NCOR2: variants seen among roughly 807,000 people sequenced by gnomAD.
The protein encoded by NCOR2 is nuclear receptor corepressor 2.
A neutral mutation model predicts 262.9 loss-of-function variants in NCOR2; 81 were observed. The ratio of observed to expected loss-of-function variants is 0.31; its 90% CI spans 0.26 to 0.37. The LOEUF is 0.37. Ranked by LOEUF, NCOR2 falls within the 10% of genes least tolerant of loss-of-function variation. NCOR2 has a pLI of 1.00. For missense variants in NCOR2, 3,385 were observed against 3,621.4 expected (o/e 0.93, Z 1.68); for synonymous variants, 1,659 against 1,559.3 (o/e 1.06, Z -1.51).
At chr12:124,358,587 T>A (rs573189506) in intron 22 of NCOR2, among the ~76,000 whole-genome samples, 3 of 152,300 alleles carry the variant, frequency 2.0e-5, no homozygotes, top group East Asian at 3.9e-4. Flanking sequence ...ACACAGAGAC[T>A]GCTGCCAGAC....
At chr12:124,325,194 C>G (rs539248292) in exon 47 of NCOR2, 1 of 356,678 alleles carries the variant, frequency 2.8e-6, no homozygotes, top group East Asian at 4.2e-5. Context: ...TGAGTAAGGT[C>G]TGCACAGGGC....
chr12:124,442,736 G>A (rs2044888943), intron 7 of NCOR2, among the ~76,000 whole-genome samples: 1 of 152,182 alleles, frequency 6.6e-6, no homozygotes, highest in South Asian at 2.1e-4. Context: ...ACTGATATGT[G>A]TAAAGTCCTA....
chr12:124,399,553 G>T (rs2041882617), intron 15 of NCOR2, among the ~76,000 whole-genome samples: 1 of 152,172 alleles, frequency 6.6e-6, no homozygotes, highest in Admixed American at 6.5e-5. Flanking sequence ...GAAATTTTTA[G>T]AGAGGGAACG....
rs2229840 is a variant in NCOR2, at chr12:124,341,916, C to T, written c.5095G>A (p.Ala1699Thr). ...GCTCGCTGGGCCATGGCGGTGGCCG[C>T]GTTGTGGTGCATCTGCTGCGAGGTG... Residue 1699 changes from alanine (A) to threonine (T), a missense_variant, in exon 34 of 47, where the codon GCG becomes ACG. This residue lies in a region of NCOR2 where 1,615 missense variants were observed against 1,626.9 expected (regional missense o/e 0.99). Transcript: ENST00000405201. The T allele has an allele frequency of 0.16, 258,394 of 1,612,822 alleles. 21,452 individuals carry two copies. The highest frequency in any genetic ancestry group is 0.23 in the Admixed American group (13,848 of 60,010).
chr12:124,501,601 C>T (rs2048741473), intron 1 of NCOR2, among the ~76,000 whole-genome samples: 2 of 152,260 alleles, frequency 1.3e-5, no homozygotes, highest in South Asian at 4.2e-4. Flanking sequence ...GCCTCTATCT[C>T]CACGCAGCCT....
At chr12:124,365,593 G>A (rs980594214) in intron 20 of NCOR2, among the ~76,000 whole-genome samples, 5 of 152,216 alleles carry the variant, frequency 3.3e-5, no homozygotes, top group Admixed American at 1.3e-4. Context: ...CAGCTGAGCG[G>A]GGAGAGCAGA....
intron 3 of NCOR2, among the ~76,000 whole-genome samples, chr12:124,475,907 C>T (rs2047078893): frequency 6.6e-6 from 1 of 152,278 alleles, no homozygotes; most frequent in South Asian, 2.1e-4. Context: ...GCCACACATC[C>T]GTTCACCCCA....
At chr12:124,460,838 T>G (rs1002055106) in intron 5 of NCOR2, among the ~76,000 whole-genome samples, 2 of 152,222 alleles carry the variant, frequency 1.3e-5, no homozygotes, top group Admixed American at 1.3e-4. Context: ...GGCTGATATC[T>G]CCACATCTCC....
At chr12:124,477,906 A>G (rs551537761) in intron 3 of NCOR2, among the ~76,000 whole-genome samples, 15 of 152,232 alleles carry the variant, frequency 9.9e-5, no homozygotes, top group Non-Finnish European at 1.8e-4. Flanking sequence ...TTTATTATGC[A>G]AAACTGAAGA....
rs763666152 is a variant in NCOR2 at position 124,347,865 on chromosome 12, G to A, written c.4032C>T (p.His1344=). 58 of 1,569,240 alleles carry A rather than the reference G, an allele frequency of 3.7e-5. No homozygotes were observed. In the Admixed American group the frequency reaches 1.0e-3, roughly 28 times the overall value. The stretch of plus-strand genomic sequence containing the variant: ...CGCGGATGTGGTGCTGCTCTTTGAG[G>A]TGGTGGGGGCTGTGTCGCTCCGGCG... Residue 1344 remains histidine (H), a synonymous_variant, in exon 30 of 47, where the codon CAC becomes CAT. Transcript: ENST00000405201.
intron 16 of NCOR2, chr12:124,388,788 G>A (rs1273841713): frequency 1.9e-5 from 25 of 1,302,924 alleles, no homozygotes; most frequent in Middle Eastern, 2.1e-4. Context: ...CTGGGCGGCC[G>A]CGGTCGGCTC....
intron 1 of NCOR2, among the ~76,000 whole-genome samples, chr12:124,511,705 T>A (rs2049404552): frequency 1.3e-5 from 2 of 152,022 alleles, no homozygotes; most frequent in Admixed American, 1.3e-4. Context: ...AAGTCCAGAC[T>A]CCCCGAATGG....
chr12:124,394,157 T>G (rs927738398), intron 16 of NCOR2, among the ~76,000 whole-genome samples: 7 of 152,264 alleles, frequency 4.6e-5, no homozygotes, highest in African/African-American at 1.4e-4. Context: ...GACTGCGCCC[T>G]AAGCTAGCGG....
At chr12:124,448,287 G>C in intron 7 of NCOR2, among the ~76,000 whole-genome samples, 1 of 152,206 alleles carries the variant, frequency 6.6e-6, no homozygotes, top group East Asian at 1.9e-4. Context: ...TCCCACCCCA[G>C]ACAGGGGCCC....
intron 17 of NCOR2, among the ~76,000 whole-genome samples, chr12:124,384,829 C>T (rs534676120): frequency 2.0e-5 from 3 of 151,500 alleles, no homozygotes; most frequent in Admixed American, 2.0e-4. Context: ...GAGGAGTAGT[C>T]CTGGGGGAGG....
chr12:124,374,655 G>A (rs1483851712), intron 18 of NCOR2, among the ~76,000 whole-genome samples, 192 bp from the exon 21 acceptor site: 4 of 152,224 alleles, frequency 2.6e-5, no homozygotes, highest in Admixed American at 1.3e-4. Context: ...TCTGGCCAGC[G>A]GCCACAGGTG....
exon 38 of NCOR2, chr12:124,336,973 C>T: frequency 6.6e-7 from 1 of 1,520,584 alleles, no homozygotes; most frequent in Non-Finnish European, 8.8e-7. Context: ...CGGGCTCCAG[C>T]CCGGAGCGGG....
Position 124,337,109 on chromosome 12 carries a change from C to T in NCOR2, c.5759G>A (p.Gly1920Asp). Residue 1920 changes from glycine to aspartate, a missense_variant, in exon 38 of 47, where the codon GGC (glycine) becomes GAC (aspartate). Around this residue, in one of 5 missense-constraint regions of NCOR2, gnomAD observed 1,017 missense variants for 967.2 expected, o/e 1.05. Transcript: ENST00000405201. ...GGTAGGGTAGACCCCATCGAGGGTG[C>T]CGCCCAGTGGGCAGTGGGTGGCAGG... is the stretch of plus-strand genomic sequence containing the variant. The T allele has an allele frequency of 6.6e-7, 1 of 1,508,040 alleles. No individual in the cohort carries two copies. Among genetic ancestry groups the T allele is most frequent in the Non-Finnish European group, 8.9e-7 (1 of 1,124,070 alleles). The allele number at this position is 1,508,040 out of a possible 1,614,324, so 93.4% of individuals were successfully genotyped here.
chr12:124,527,539 T>A (rs1451316343), intron 1 of NCOR2, among the ~76,000 whole-genome samples: 2 of 152,038 alleles, frequency 1.3e-5, no homozygotes, highest in Non-Finnish European at 1.5e-5. Flanking sequence ...TGCCTCAGCC[T>A]CTCCAGTAGT....
Sources: gnomAD v4.1 joint callset for allele counts (sites outside exome capture counted in the v4.1 genomes callset) on GRCh38, gnomAD v4.1.1 for gene constraint, gnomAD v4.1.1 regional missense constraint, MANE v1.5 for transcripts, NCBI Gene and HGNC (gene_info 2026-07-23, HGNC 2026-07-21) for gene names.